TRPC7: variants seen among roughly 807,000 people sequenced by gnomAD.
TRPC7 encodes transient receptor potential cation channel subfamily C member 7.
In TRPC7, 42 loss-of-function variants were observed where a neutral mutation model predicts 90.1. The observed-to-expected ratio is 0.47, with a 90% CI of 0.36 to 0.60. The LOEUF (loss-of-function observed/expected upper bound fraction) is 0.60. Among genes scored for constraint, TRPC7 ranks in the 20% least tolerant of loss-of-function variants. TRPC7 has a pLI of 0.00. For missense variants in TRPC7, 955 were observed against 1,112.3 expected, an observed-to-expected ratio of 0.86 and a Z score of 2.01; for synonymous variants, 451 against 436.3, an observed-to-expected ratio of 1.03 and a Z score of -0.42.
At position 136,357,133 on chromosome 5, in the gene TRPC7, G is replaced by A. The variant is rs748334823; in HGVS notation, c.255C>T (p.Ala85=). 3.0e-5 allele frequency: 49 copies of A among 1,613,966 alleles called. No homozygotes were observed. The South Asian group carries it at 4.9e-4, about 16-fold the overall frequency. Residue 85 remains alanine, a synonymous_variant, in exon 2 of 12, where the codon GCC becomes GCT. Transcript: ENST00000513104. ...TGACCTCTAGGTGCTCGTTGCCCAC[G>A]GCCAGCTGCAGAGCGTTCTGCCCCA... ...DYMGQNALQL[A]VGNEHLEVTE...
intron 2 of TRPC7, among the ~76,000 whole-genome samples, chr5:136,319,608 T>G (rs1759130241): frequency 6.6e-6 from 1 of 152,168 alleles, no homozygotes; most frequent in Non-Finnish European, 1.5e-5. Flanking sequence ...TCTTGTCCCC[T>G]TCAGTAAGGC....
intron 3 of TRPC7, among the ~76,000 whole-genome samples, chr5:136,303,586 A>G (rs1758485673): frequency 6.6e-6 from 1 of 152,086 alleles, no homozygotes; most frequent in South Asian, 2.1e-4. Flanking sequence ...AGCTTGCTAC[A>G]AGTGCCAAAA....
At chr5:136,293,762 A>T (rs1459319855) in intron 3 of TRPC7, among the ~76,000 whole-genome samples, 2 of 152,154 alleles carry the variant, frequency 1.3e-5, no homozygotes, top group African/African-American at 4.8e-5. Context: ...GCTACCAATG[A>T]CTTTCTTCAC....
rs79010980 is a variant in TRPC7, at chr5:136,249,408, A to T, written c.1580-1673T>A. 8.8e-3 allele frequency among the ~76,000 whole-genome samples: 1,345 copies of T among 152,338 alleles called. 18 individuals are homozygous for T. The highest frequency in any genetic ancestry group is 0.024 in the African/African-American group (979 of 41,570). On this transcript the variant is annotated intron_variant, in intron 6 of 11. Coordinates refer to ENST00000513104, the MANE Select transcript of TRPC7 (RefSeq NM_020389.3). Reference sequence around the variant, plus strand: ...TCTCATCAAGGTCATACCTCAAAAAACCATGAAAGACTAGTAAGCAGAATA... The same window carrying T: ...TCTCATCAAGGTCATACCTCAAAAATCCATGAAAGACTAGTAAGCAGAATA...
chr5:136,257,495 A>G (rs948874432), intron 5 of TRPC7, among the ~76,000 whole-genome samples: 3 of 152,060 alleles, frequency 2.0e-5, no homozygotes, highest in Non-Finnish European at 2.9e-5. Flanking sequence ...ATGTTTTCCT[A>G]AGGAGAAAAG....
At chr5:136,357,967 C>T (rs936162072) in intron 1 of TRPC7, among the ~76,000 whole-genome samples, 3 of 152,182 alleles carry the variant, frequency 2.0e-5, no homozygotes, top group South Asian at 2.1e-4. Flanking sequence ...TGGCTGCCTT[C>T]GGTTCAGATG....
intron 3 of TRPC7, among the ~76,000 whole-genome samples, chr5:136,295,037 G>A (rs778922061): frequency 6.6e-6 from 1 of 151,554 alleles, no homozygotes; most frequent in Non-Finnish European, 1.5e-5. Context: ...CCATCACAAG[G>A]ACAAAAAGCC....
chr5:136,293,365 T>C (rs1758033275), intron 3 of TRPC7, among the ~76,000 whole-genome samples: 1 of 152,208 alleles, frequency 6.6e-6, no homozygotes, highest in South Asian at 2.1e-4. Flanking sequence ...TCTTTGCAGA[T>C]GACATGATTG....
At chr5:136,281,660 T>C (rs1246990402) in intron 3 of TRPC7, among the ~76,000 whole-genome samples, 3 of 152,168 alleles carry the variant, frequency 2.0e-5, no homozygotes, top group African/African-American at 7.2e-5. Context: ...TGCCCACGTG[T>C]CAATACAAGC....
chr5:136,312,171 A>T (rs1758851706), intron 3 of TRPC7, among the ~76,000 whole-genome samples: 1 of 152,170 alleles, frequency 6.6e-6, no homozygotes, highest in Non-Finnish European at 1.5e-5. Flanking sequence ...TTTCGAAGAC[A>T]CACCCACTTG....
At chr5:136,361,252 A>G (rs1760560136) in intron 1 of TRPC7, among the ~76,000 whole-genome samples, 2 of 152,228 alleles carry the variant, frequency 1.3e-5, no homozygotes, top group African/African-American at 4.8e-5. Context: ...TTATTTGCAC[A>G]TATTATTGAG....
intron 8 of TRPC7, among the ~76,000 whole-genome samples, chr5:136,227,632 A>C (rs1326601509): frequency 6.6e-6 from 1 of 152,106 alleles, no homozygotes. Flanking sequence ...GGCAGGGCTT[A>C]CTCCTGGTCT....
chr5:136,269,574 C>T (rs964206012), intron 4 of TRPC7, among the ~76,000 whole-genome samples: 1 of 152,216 alleles, frequency 6.6e-6, no homozygotes, highest in African/African-American at 2.4e-5. Flanking sequence ...ATGACAGAGT[C>T]TCCTTCGCCA....
chr5:136,216,123 T>A, intron 11 of TRPC7, 77 bp downstream of exon 11: 1 of 1,223,758 alleles, frequency 8.2e-7, no homozygotes, highest in Non-Finnish European at 1.2e-6. Context: ...CTGACAACAC[T>A]GTGGCCGTAG....
At chr5:136,243,177 G>A (rs1045905535) in intron 7 of TRPC7, among the ~76,000 whole-genome samples, 2 of 152,118 alleles carry the variant, frequency 1.3e-5, no homozygotes, top group Admixed American at 6.5e-5. Context: ...TGGTGAGACT[G>A]GTTTTTGTGA....
intron 3 of TRPC7, among the ~76,000 whole-genome samples, chr5:136,300,514 G>C (rs905365349): frequency 6.6e-5 from 10 of 152,214 alleles, no homozygotes; most frequent in African/African-American, 2.2e-4. Context: ...GGTAATTTTA[G>C]AGATGGACTA....
At chr5:136,264,152 G>T (rs10479115) in intron 5 of TRPC7, among the ~76,000 whole-genome samples, 1 of 152,164 alleles carries the variant, frequency 6.6e-6, no homozygotes, top group African/African-American at 2.4e-5. Flanking sequence ...ACAAGTTGGG[G>T]TTCCTATAGC....
At chr5:136,237,344 T>A (rs1205092477) in intron 7 of TRPC7, among the ~76,000 whole-genome samples, 4 of 152,228 alleles carry the variant, frequency 2.6e-5, no homozygotes, top group Non-Finnish European at 4.4e-5. Context: ...GGGGTTTCAC[T>A]GTACCCCATG....
intron 11 of TRPC7, 46 bp downstream of exon 11, chr5:136,216,154 C>T: frequency 1.3e-6 from 2 of 1,514,352 alleles, no homozygotes; most frequent in Non-Finnish European, 1.8e-6. Flanking sequence ...CCCACAGAAC[C>T]TGTGTTGTTT....
Sources: gnomAD v4.1 joint callset for allele counts (sites outside exome capture counted in the v4.1 genomes callset) on GRCh38, gnomAD v4.1.1 for gene constraint, MANE v1.5 for transcripts, NCBI Gene and HGNC (gene_info 2026-07-23, HGNC 2026-07-21) for gene names.